FUT9: variants seen among roughly 807,000 people sequenced by gnomAD.
FUT9 encodes fucosyltransferase 9.
FUT9 carries 15 observed loss-of-function variants against 29.7 expected under a neutral mutation model. The ratio of observed to expected loss-of-function variants is 0.51; its 90% CI spans 0.34 to 0.78. The LOEUF is 0.78. Among genes scored for constraint, FUT9 ranks in the 30% least tolerant of loss-of-function variants. The pLI, the probability that FUT9 is intolerant of heterozygous loss-of-function variation, is 0.01. For synonymous variants in FUT9, 169 were observed against 153.7 expected (o/e 1.10, Z -0.74); for missense variants, 319 against 425.4 (o/e 0.75, Z 2.20).
chr6:96,100,230 A>AAC lies in FUT9; in HGVS notation c.-97-13763_-97-13762dup, dbSNP rs36064811. On this transcript the variant is annotated intron_variant, in intron 1 of 2. Transcript: ENST00000302103. ...TTGGAATTTAACACACACACACACCAACACACACACACACACACACACACA... is the reference window on the plus strand; with the variant it reads ...TTGGAATTTAACACACACACACACCAACACACACACACACACACACACACACA... 2.2e-3 allele frequency among the ~76,000 whole-genome samples: 321 copies of AAC among 148,884 alleles called. 1 individual carries two copies. Among genetic ancestry groups the AAC allele is most frequent in the African/African-American group, 6.2e-3 (247 of 39,854 alleles).
intron 2 of FUT9, among the ~76,000 whole-genome samples, chr6:96,143,304 C>T (rs1395466019): frequency 6.6e-6 from 1 of 152,188 alleles, no homozygotes; most frequent in Admixed American, 6.5e-5. Flanking sequence ...GACTTCCCTG[C>T]TTCCAAAATA....
chr6:96,099,360 T>C (rs1032914950), intron 1 of FUT9, among the ~76,000 whole-genome samples: 1 of 152,186 alleles, frequency 6.6e-6, no homozygotes, highest in African/African-American at 2.4e-5. Context: ...CTGTACATGC[T>C]ATTCTGATTA....
intron 1 of FUT9, among the ~76,000 whole-genome samples, chr6:96,042,825 A>G (rs1770487930): frequency 6.6e-6 from 1 of 152,172 alleles, no homozygotes; most frequent in Non-Finnish European, 1.5e-5. Flanking sequence ...CATTTCACAC[A>G]TAAGAAAATT....
intron 2 of FUT9, among the ~76,000 whole-genome samples, chr6:96,140,079 C>A (rs370665270): frequency 6.6e-6 from 1 of 152,290 alleles, no homozygotes; most frequent in Admixed American, 6.5e-5. Flanking sequence ...CTAGAAATTT[C>A]TTCCTCCAGA....
Position 96,135,211 on chromosome 6 carries a change from TA to T in FUT9, c.-9+21085del, listed in dbSNP as rs2127970881. Among the ~76,000 whole-genome samples the T allele has an allele frequency of 2.6e-5, 4 of 152,068 alleles. No homozygotes were observed. In the South Asian group the frequency reaches 8.3e-4, roughly 31 times the overall value. ...AATCTTACAAAAGCTGAGGTGTGTA[TA>T]GTATAATCAAATGTTAGTATATGTA... On this transcript the variant is annotated intron_variant, in intron 2 of 2. Transcript: ENST00000302103.
intron 2 of FUT9, among the ~76,000 whole-genome samples, chr6:96,134,372 T>G (rs1772309023): frequency 6.6e-6 from 1 of 151,812 alleles, no homozygotes; most frequent in Admixed American, 6.6e-5. Context: ...AATAATACTG[T>G]TTTTAAGAGC....
chr6:96,111,288 T>C (rs1011408850), intron 1 of FUT9, among the ~76,000 whole-genome samples: 13 of 152,110 alleles, frequency 8.5e-5, no homozygotes, highest in Admixed American at 4.6e-4. Flanking sequence ...TGCCTTATCA[T>C]TGTAGGCAGA....
At position 96,213,439 on chromosome 6, in the gene FUT9, T is replaced by C. The variant is rs6571135; in HGVS notation, c.*9204T>C. ...ATTGTAAGGGTCAGTAATCCATAAA[T>C]TATTTGGATGGTAATTGTATGTTTT... is the stretch of plus-strand genomic sequence containing the variant. On this transcript the variant is annotated 3_prime_UTR_variant, in exon 3 of 3. Transcript: ENST00000302103. 153,639 of 166,864 alleles carry C rather than the reference T, an allele frequency of 0.92. 72,125 individuals carry two copies. Among genetic ancestry groups the C allele is most frequent in the Non-Finnish European group, 1 (67,893 of 68,022 alleles). The allele number at this position is 166,864 out of a possible 1,614,324, so 10.3% of individuals were successfully genotyped here.
intron 1 of FUT9, among the ~76,000 whole-genome samples, chr6:96,113,359 C>T (rs1771846611): frequency 6.6e-6 from 1 of 151,906 alleles, no homozygotes; most frequent in Non-Finnish European, 1.5e-5. Flanking sequence ...CTGCCTCAGC[C>T]TCCCCAGTAG....
At chr6:96,183,484 G>C (rs1410624156) in intron 2 of FUT9, among the ~76,000 whole-genome samples, 1 of 151,858 alleles carries the variant, frequency 6.6e-6, no homozygotes, top group Non-Finnish European at 1.5e-5. Flanking sequence ...ACTATGTTGA[G>C]GAGAAGCGGT....
At chr6:96,142,768 A>T (rs1006282560) in intron 2 of FUT9, among the ~76,000 whole-genome samples, 1 of 152,174 alleles carries the variant, frequency 6.6e-6, no homozygotes, top group African/African-American at 2.4e-5. Flanking sequence ...TTTTTAAATT[A>T]TAAGGAGTAG....
At chr6:96,074,184 C>T (rs1174227523) in intron 1 of FUT9, among the ~76,000 whole-genome samples, 1 of 152,094 alleles carries the variant, frequency 6.6e-6, no homozygotes, top group Non-Finnish European at 1.5e-5. Flanking sequence ...CACAGTGTCC[C>T]CATCCCTGAG....
chr6:96,123,227 C>G (rs1480990525), intron 2 of FUT9, among the ~76,000 whole-genome samples: 1 of 151,894 alleles, frequency 6.6e-6, no homozygotes, highest in Non-Finnish European at 1.5e-5. Context: ...TATATTCTTT[C>G]TGAGGCTGTT....
rs534833910 is a variant in FUT9, at chr6:96,023,735, A to G, written c.-98+7523A>G. Among the ~76,000 whole-genome samples, 13 of 152,066 alleles carry G rather than the reference A, an allele frequency of 8.5e-5. No homozygotes were observed. In the South Asian group the frequency reaches 2.7e-3, roughly 32 times the overall value. ...TGGTGATAATCCATTCCAAGCTTCT[A>G]GCTCTCATTACACTGTTTCACTGGT... is the stretch of plus-strand genomic sequence containing the variant. On this transcript the variant is annotated intron_variant, in intron 1 of 2. Transcript: ENST00000302103.
chr6:96,149,083 G>A (rs1459636262), intron 2 of FUT9, among the ~76,000 whole-genome samples: 1 of 151,850 alleles, frequency 6.6e-6, no homozygotes, highest in African/African-American at 2.4e-5. Flanking sequence ...TTGAACTCGG[G>A]AAGTGGAGGT....
chr6:96,201,926 G>T lies in FUT9; in HGVS notation c.-8-1222G>T, dbSNP rs1773732141. Among the ~76,000 whole-genome samples, 3 of 151,332 alleles carry T rather than the reference G, an allele frequency of 2.0e-5. No individual in the cohort carries two copies. The South Asian group carries it at 6.2e-4, about 32-fold the overall frequency. On this transcript the variant is annotated intron_variant, in intron 2 of 2. Coordinates refer to ENST00000302103, the MANE Select transcript of FUT9 (RefSeq NM_006581.4). ...AAGAAAAACTACATAGCAAAAGAAGGTGCTTTTTTTAATGTTCACATATAT... is the reference window on the plus strand; with the variant it reads ...AAGAAAAACTACATAGCAAAAGAAGTTGCTTTTTTTAATGTTCACATATAT...
chr6:96,055,895 G>C (rs1391899360), intron 1 of FUT9, among the ~76,000 whole-genome samples: 1 of 151,734 alleles, frequency 6.6e-6, no homozygotes, highest in African/African-American at 2.4e-5. Flanking sequence ...ATAAAGTTTA[G>C]TGTACAGTTA....
At chr6:96,035,878 ACAT>A (rs2127929405) in intron 1 of FUT9, among the ~76,000 whole-genome samples, 1 of 102,612 alleles carries the variant, frequency 9.7e-6, no homozygotes, top group Admixed American at 1.1e-4. Context: ...ATAATATAAT[ACAT>A]TATGTTTATT....
intron 2 of FUT9, among the ~76,000 whole-genome samples, chr6:96,143,512 T>C (rs2127973994): frequency 6.6e-6 from 1 of 152,104 alleles, no homozygotes; most frequent in African/African-American, 2.4e-5. Flanking sequence ...CTTTCTTTCA[T>C]CTCCTCCTCC....
Sources: allele counts gnomAD v4.1 joint callset (sites outside exome capture counted in the v4.1 genomes callset), GRCh38; gene constraint gnomAD v4.1.1; transcripts MANE v1.5; gene names NCBI Gene and HGNC (gene_info 2026-07-23, HGNC 2026-07-21).